CCNY: variants seen among roughly 807,000 people sequenced by gnomAD.
CCNY encodes the protein cyclin-Y.
Under a neutral mutation model 42.8 loss-of-function variants are expected in CCNY, and 19 were observed. The observed-to-expected ratio is 0.44, with a 90% CI of 0.31 to 0.65. The LOEUF is 0.65. Among genes scored for constraint, CCNY ranks in the 30% least tolerant of loss-of-function variants. CCNY has a pLI of 0.07. For synonymous variants in CCNY, 165 were observed against 162.7 expected, an observed-to-expected ratio of 1.01 and a Z score of -0.11; for missense variants, 370 against 437.3, an observed-to-expected ratio of 0.85 and a Z score of 1.37.
intron 2 of CCNY, among the ~76,000 whole-genome samples, chr10:35,485,719 C>T (rs1473922155): frequency 1.6e-4 from 18 of 113,706 alleles, no homozygotes; most frequent in Middle Eastern, 3.9e-3. Context: ...AGCGAGACTC[C>T]GTCTCAAAAA....
chr10:35,290,222 T>TCA (rs368209050), intron 3 of CCNY, among the ~76,000 whole-genome samples: 46,311 of 122,644 alleles, frequency 0.38, 8,689 homozygotes, highest in Non-Finnish European at 0.44. Context: ...CAAGACTCCA[T>TCA]CACACACACA....
intron 8 of CCNY, among the ~76,000 whole-genome samples, chr10:35,563,087 C>T (rs11010228): frequency 0.29 from 43,586 of 151,808 alleles, 6,557 homozygotes; most frequent in East Asian, 0.35. Context: ...CTTGGCATCA[C>T]GTTAGTTTTC....
At chr10:35,420,406 C>A (rs990662796) in intron 1 of CCNY, among the ~76,000 whole-genome samples, 1 of 152,192 alleles carries the variant, frequency 6.6e-6, no homozygotes, top group Admixed American at 6.5e-5. Context: ...CTCACTTGTG[C>A]CCTCTTGTTT....
At chr10:35,490,640 A>G (rs1839877355) in intron 2 of CCNY, among the ~76,000 whole-genome samples, 1 of 152,204 alleles carries the variant, frequency 6.6e-6, no homozygotes, top group African/African-American at 2.4e-5. Flanking sequence ...GTAAACCCAG[A>G]GCCGGAAGTC....
At chr10:35,531,104 G>A (rs933896041) in intron 7 of CCNY, among the ~76,000 whole-genome samples, 13 of 152,314 alleles carry the variant, frequency 8.5e-5, no homozygotes, top group Admixed American at 7.8e-4. Flanking sequence ...TTCTTAAAAT[G>A]TTATGCACTA....
chr10:35,457,226 G>A (rs996616596), intron 1 of CCNY, among the ~76,000 whole-genome samples: 6 of 152,114 alleles, frequency 3.9e-5, no homozygotes, highest in East Asian at 1.9e-4. Context: ...TTATGTAGCC[G>A]TGATTTCAGT....
chr10:35,278,320 G>A (rs1448796126), intron 3 of CCNY, among the ~76,000 whole-genome samples: 1 of 152,012 alleles, frequency 6.6e-6, no homozygotes, highest in African/African-American at 2.4e-5. Flanking sequence ...AGCACACGCC[G>A]AAGGAGCTGG....
chr10:35,312,934 T>C (rs1835707418), intron 3 of CCNY, among the ~76,000 whole-genome samples: 1 of 151,972 alleles, frequency 6.6e-6, no homozygotes. Flanking sequence ...TTAGCTTAGC[T>C]CTTAGGCTTT....
rs111580605 is a variant in CCNY, at chr10:35,357,924, T to C, written c.154+20717T>C. On this transcript the variant is annotated intron_variant, in intron 1 of 9. Transcript: ENST00000374704. ...TATTTCATTGAGTTTTAATCTATTATTTTTTTTTTGTTGCTTAAGTTGTCC... is the reference window on the plus strand; with the variant it reads ...TATTTCATTGAGTTTTAATCTATTACTTTTTTTTTGTTGCTTAAGTTGTCC... Among the ~76,000 whole-genome samples, 511 of 149,418 alleles carry C rather than the reference T, an allele frequency of 3.4e-3. 4 individuals are homozygous for C. Among genetic ancestry groups the C allele is most frequent in the African/African-American group, 0.012 (481 of 40,726 alleles).
intron 1 of CCNY, among the ~76,000 whole-genome samples, chr10:35,373,754 A>T (rs1836989539): frequency 6.6e-6 from 1 of 151,186 alleles, no homozygotes. Context: ...GTATGAATAT[A>T]GTATATACAT....
At chr10:35,321,207 A>C (rs1262412833) in intron 3 of CCNY, among the ~76,000 whole-genome samples, 1 of 151,262 alleles carries the variant, frequency 6.6e-6, no homozygotes, top group Non-Finnish European at 1.5e-5. Context: ...ATTTAACATA[A>C]TACATGCAAG....
At chr10:35,284,188 C>G (rs1835329125) in intron 3 of CCNY, among the ~76,000 whole-genome samples, 1 of 152,094 alleles carries the variant, frequency 6.6e-6, no homozygotes, top group African/African-American at 2.4e-5. Context: ...AATGGATCTT[C>G]CTTGTCTTCC....
chr10:35,336,279 C>G (rs933016748), upstream of CCNY: 3 of 151,818 alleles, frequency 2.0e-5, no homozygotes, highest in African/African-American at 7.3e-5. Flanking sequence ...AGGCAGAGGC[C>G]GGGTGGGGAA....
At chr10:35,555,099 C>T (rs964447876) in intron 8 of CCNY, among the ~76,000 whole-genome samples, 2 of 152,174 alleles carry the variant, frequency 1.3e-5, no homozygotes, top group Non-Finnish European at 2.9e-5. Context: ...GTTGAATCCT[C>T]TCAGCAACCC....
At chr10:35,345,155 A>C (rs1393840700) in intron 1 of CCNY, among the ~76,000 whole-genome samples, 1 of 152,186 alleles carries the variant, frequency 6.6e-6, no homozygotes, top group African/African-American at 2.4e-5. Context: ...CACCACACTG[A>C]CTTCCACAAT....
chr10:35,470,845 G>C (rs1839377971), intron 1 of CCNY, among the ~76,000 whole-genome samples: 1 of 152,056 alleles, frequency 6.6e-6, no homozygotes. Context: ...GCAGTGGCAG[G>C]GACAATAATA....
intron 8 of CCNY, among the ~76,000 whole-genome samples, chr10:35,559,513 CA>C: frequency 6.6e-6 from 1 of 152,074 alleles, no homozygotes; most frequent in Non-Finnish European, 1.5e-5. Context: ...ATCCATATGG[CA>C]AAAAAATGGG....
chr10:35,475,389 A>G (rs1335422864), intron 1 of CCNY, among the ~76,000 whole-genome samples: 1 of 152,112 alleles, frequency 6.6e-6, no homozygotes, highest in Non-Finnish European at 1.5e-5. Context: ...AGCCAGAGAG[A>G]AAGGTCGGGT....
At chr10:35,288,998 A>G (rs1165672228) in intron 3 of CCNY, among the ~76,000 whole-genome samples, 3 of 152,192 alleles carry the variant, frequency 2.0e-5, no homozygotes, top group African/African-American at 2.4e-5. Context: ...TGAGACTGCA[A>G]TAGTGATTGT....
Sources: gnomAD v4.1 joint callset for allele counts (sites outside exome capture counted in the v4.1 genomes callset) on GRCh38, gnomAD v4.1.1 for gene constraint, MANE v1.5 for transcripts, NCBI Gene and HGNC (gene_info 2026-07-23, HGNC 2026-07-21) for gene names.